Variants in ESRRG observed in about 807,000 individuals in gnomAD.
The protein encoded by ESRRG is estrogen-related receptor gamma.
Under a neutral mutation model 44.0 loss-of-function variants are expected in ESRRG, and 13 were observed. The observed-to-expected ratio is 0.30, with a 90% CI of 0.19 to 0.47. The LOEUF (loss-of-function observed/expected upper bound fraction) is 0.47. ESRRG is among the 20% of genes least tolerant of loss of function. The pLI, the probability that ESRRG is intolerant of heterozygous loss-of-function variation, is 1.00. For synonymous variants in ESRRG, 215 were observed against 214.6 expected, an observed-to-expected ratio of 1.00 and a Z score of -0.02; for missense variants, 395 against 580.6, an observed-to-expected ratio of 0.68 and a Z score of 3.29.
intron 2 of ESRRG, among the ~76,000 whole-genome samples, chr1:216,885,565 C>A (rs1427867467): frequency 6.6e-6 from 1 of 150,850 alleles, no homozygotes; most frequent in Non-Finnish European, 1.5e-5. Flanking sequence ...TTTTAATAGT[C>A]ATTTTTGTTT....
At chr1:216,688,141 G>C (rs1043177333) in intron 1 of ESRRG, among the ~76,000 whole-genome samples, 1 of 152,128 alleles carries the variant, frequency 6.6e-6, no homozygotes, top group Non-Finnish European at 1.5e-5. Flanking sequence ...AGCTAAAACT[G>C]TAATTAAGAA....
At chr1:217,001,647 T>C (rs1002942537) in intron 1 of ESRRG, among the ~76,000 whole-genome samples, 3 of 152,062 alleles carry the variant, frequency 2.0e-5, no homozygotes, top group Admixed American at 1.3e-4. Flanking sequence ...TAACGGCAAG[T>C]CTGGTAAGCT....
intron 2 of ESRRG, among the ~76,000 whole-genome samples, chr1:216,778,849 C>T (rs2093710951): frequency 6.6e-6 from 1 of 151,536 alleles, no homozygotes; most frequent in African/African-American, 2.4e-5. Context: ...TTACTAACAT[C>T]TGATAAACAT....
intron 3 of ESRRG, among the ~76,000 whole-genome samples, chr1:216,575,549 C>T (rs570904220): frequency 3.0e-4 from 45 of 152,206 alleles, no homozygotes; most frequent in African/African-American, 1.1e-3. Flanking sequence ...GGCTTAATGA[C>T]TTAATGCATA....
At chr1:216,619,560 CGAAACG>C (rs1353713813) in intron 3 of ESRRG, among the ~76,000 whole-genome samples, 1 of 152,056 alleles carries the variant, frequency 6.6e-6, no homozygotes, top group Non-Finnish European at 1.5e-5. Context: ...TTTTTCTCTT[CGAAACG>C]GTATCTAATA....
chr1:216,598,738 A>T (rs191395708), intron 3 of ESRRG, among the ~76,000 whole-genome samples: 322 of 152,228 alleles, frequency 2.1e-3, no homozygotes, highest in African/African-American at 7.3e-3. Flanking sequence ...TGGAAAAAAA[A>T]AAGAGGCTTG....
At chr1:216,712,365 T>C (rs1249210360) in intron 1 of ESRRG, among the ~76,000 whole-genome samples, 1 of 152,200 alleles carries the variant, frequency 6.6e-6, no homozygotes, top group Admixed American at 6.5e-5. Flanking sequence ...GGTCCTTGGC[T>C]AAAGGATTTG....
At chr1:216,779,856 A>T (rs1440527549) in intron 2 of ESRRG, among the ~76,000 whole-genome samples, 1 of 151,618 alleles carries the variant, frequency 6.6e-6, no homozygotes, top group African/African-American at 2.4e-5. Context: ...TATCTCTCTG[A>T]CACTCAGTAC....
In ESRRG at chr1:216,992,257, A is replaced by G. The variant is rs115775944; in HGVS notation, c.-105-52584T>C. 2.3e-3 allele frequency among the ~76,000 whole-genome samples: 346 copies of G among 152,320 alleles called. 1 individual carries two copies. Among genetic ancestry groups the G allele is most frequent in the African/African-American group, 7.8e-3 (324 of 41,568 alleles). On this transcript the variant is annotated intron_variant, in intron 1 of 7. Transcript: ENST00000359162. ...GACATGAGATTTTGAAAGCTTTTTG[A>G]AAGTCTTATTCACTAATGGAGAAGC...
intron 1 of ESRRG, among the ~76,000 whole-genome samples, chr1:216,963,017 G>T (rs573676091): frequency 3.0e-4 from 45 of 152,164 alleles, no homozygotes; most frequent in Admixed American, 7.9e-4. Flanking sequence ...CCCTGAACAA[G>T]TTCTATAATT....
At chr1:216,634,016 C>T (rs558491013) in intron 3 of ESRRG, among the ~76,000 whole-genome samples, 1 of 152,256 alleles carries the variant, frequency 6.6e-6, no homozygotes, top group South Asian at 2.1e-4. Flanking sequence ...TACTGCAACT[C>T]CAATCTCTAA....
intron 1 of ESRRG, among the ~76,000 whole-genome samples, chr1:217,024,218 C>T (rs894440571): frequency 2.0e-5 from 3 of 151,968 alleles, no homozygotes; most frequent in Non-Finnish European, 2.9e-5. Flanking sequence ...ATTAGCCGGG[C>T]ATGGTGGTGG....
chr1:216,886,299 C>T (rs2096517311), intron 2 of ESRRG, among the ~76,000 whole-genome samples: 1 of 152,096 alleles, frequency 6.6e-6, no homozygotes, highest in South Asian at 2.1e-4. Context: ...ACCTAACTGA[C>T]CAGAGCTTAA....
At chr1:216,752,054 G>A (rs964846806) in intron 2 of ESRRG, among the ~76,000 whole-genome samples, 1 of 152,052 alleles carries the variant, frequency 6.6e-6, no homozygotes, top group African/African-American at 2.4e-5. Context: ...CTTAGCCACA[G>A]CACTGAAAGA....
At chr1:217,105,480 C>A (rs2151575438) in intron 1 of ESRRG, among the ~76,000 whole-genome samples, 1 of 152,178 alleles carries the variant, frequency 6.6e-6, no homozygotes, top group Non-Finnish European at 1.5e-5. Flanking sequence ...GTTCATCTCC[C>A]CAGCCTTAGT....
chr1:216,621,034 T>C (rs1451592990), intron 3 of ESRRG, among the ~76,000 whole-genome samples: 1 of 152,164 alleles, frequency 6.6e-6, no homozygotes, highest in East Asian at 1.9e-4. Flanking sequence ...CCATCCCATT[T>C]TGCTTTTACA....
At chr1:216,977,207 G>T (rs985786868) in intron 1 of ESRRG, among the ~76,000 whole-genome samples, 1 of 151,730 alleles carries the variant, frequency 6.6e-6, no homozygotes, top group Non-Finnish European at 1.5e-5. Context: ...CTCTAGACTC[G>T]CACATTTACT....
rs558694476 is a variant in ESRRG, at chr1:216,949,090, T to C, written c.-105-9417A>G. Among the ~76,000 whole-genome samples the C allele has an allele frequency of 6.6e-4, 101 of 152,298 alleles. 1 individual carries two copies. The highest frequency in any genetic ancestry group is 1.9e-3 in the African/African-American group (78 of 41,572). On this transcript the variant is annotated intron_variant, in intron 1 of 7. Transcript: ENST00000359162. ...CTCTGCCTTCCCAACACCTTCACCA[T>C]GCTGAAGCTCTAGAATTTATTATGT...
chr1:216,865,706 AC>A (rs1432973893), intron 2 of ESRRG, among the ~76,000 whole-genome samples: 1 of 152,140 alleles, frequency 6.6e-6, no homozygotes, highest in Non-Finnish European at 1.5e-5. Flanking sequence ...TTTTACTTTC[AC>A]CCCTTGACTA....
Sources: allele counts gnomAD v4.1 joint callset (sites outside exome capture counted in the v4.1 genomes callset), GRCh38; gene constraint gnomAD v4.1.1; transcripts MANE v1.5; gene names NCBI Gene and HGNC (gene_info 2026-07-23, HGNC 2026-07-21).